PCDHA6: variants seen among roughly 807,000 people sequenced by gnomAD.
PCDHA6 encodes protocadherin alpha 6.
In PCDHA6, 55 loss-of-function variants were observed where a neutral mutation model predicts 60.3. The observed-to-expected ratio is 0.91, with a 90% CI of 0.73 to 1.14. The LOEUF (loss-of-function observed/expected upper bound fraction) is 1.14, where lower values mean the gene tolerates loss of function less well. Ranked by LOEUF, PCDHA6 falls within the 50% of genes most tolerant of loss-of-function variation. The pLI, the probability that PCDHA6 is intolerant of heterozygous loss-of-function variation, is 0.00. For missense variants in PCDHA6, 1,327 were observed against 1,256.5 expected, an observed-to-expected ratio of 1.06 and a Z score of -0.85; for synonymous variants, 652 against 557.9, an observed-to-expected ratio of 1.17 and a Z score of -2.38.
chr5:140,924,926 T>A (rs1554202369), intron 1 of PCDHA6, among the ~76,000 whole-genome samples: 1 of 119,426 alleles, frequency 8.4e-6, no homozygotes, highest in African/African-American at 3.1e-5. Flanking sequence ...TAAAATAAAA[T>A]AAAATAAAAT....
At chr5:140,877,156 G>C (rs1471783281) in intron 1 of PCDHA6, 1 of 1,613,810 alleles carries the variant, frequency 6.2e-7, no homozygotes, top group Non-Finnish European at 8.5e-7. Flanking sequence ...GAACGACAAC[G>C]CGCCGGCACT....
intron 1 of PCDHA6, among the ~76,000 whole-genome samples, chr5:140,939,880 G>T (rs2092484713): frequency 6.6e-6 from 1 of 152,140 alleles, no homozygotes; most frequent in African/African-American, 2.4e-5. Context: ...TTTGCTAGTT[G>T]TGTTGTTCAA....
At position 140,976,656 on chromosome 5, in the gene PCDHA6, C is replaced by T. The variant is rs551402825; in HGVS notation, c.2395-2293C>T. ...AATCAGACAAGTAATTTAATCTCTC[C>T]AAAGTTCAGATGTCTCATTTTTGCA... is the stretch of plus-strand genomic sequence containing the variant. On this transcript the variant is annotated intron_variant, in intron 1 of 3. Transcript: ENST00000529310. Among the ~76,000 whole-genome samples the T allele has an allele frequency of 3.3e-5, 5 of 152,272 alleles. No homozygotes were observed. The South Asian group carries it at 1.0e-3, about 32-fold the overall frequency.
At chr5:140,856,963 T>C (rs1249230816) in intron 1 of PCDHA6, 1 of 1,590,702 alleles carries the variant, frequency 6.3e-7, no homozygotes, top group African/African-American at 1.3e-5. Context: ...AAGTAAATGA[T>C]GCTATTGACT....
chr5:140,928,736 T>C, intron 1 of PCDHA6: 1 of 1,614,174 alleles, frequency 6.2e-7, no homozygotes, highest in Non-Finnish European at 8.5e-7. Flanking sequence ...TCAGCCAATA[T>C]AGGTGAGCTC....
chr5:140,850,318 C>T lies in PCDHA6; in HGVS notation c.2394+19833C>T, dbSNP rs1306863704. On this transcript the variant is annotated intron_variant, in intron 1 of 3. Transcript: ENST00000529310. ...GACTCGGGCTACAACGCGTGGCTTT[C>T]ATACGAGCTGCAGCCAGAAACGGCC... The T allele has an allele frequency of 4.4e-6, 7 of 1,597,384 alleles. 1 individual carries two copies. In the African/African-American group the frequency reaches 5.4e-5, roughly 12 times the overall value.
chr5:140,865,785 T>C (rs2049000599), intron 1 of PCDHA6: 1 of 152,188 alleles, frequency 6.6e-6, no homozygotes, highest in South Asian at 2.1e-4. Flanking sequence ...ATGTGTATCT[T>C]TCAGGCTTCA....
chr5:140,934,709 C>T (rs991669354), intron 1 of PCDHA6, among the ~76,000 whole-genome samples: 2 of 152,084 alleles, frequency 1.3e-5, no homozygotes, highest in Non-Finnish European at 1.5e-5. Flanking sequence ...GGCCATCTTA[C>T]AAAAAGGACC....
At chr5:140,878,556 A>G (rs959852623) in intron 1 of PCDHA6, among the ~76,000 whole-genome samples, 3 of 152,156 alleles carry the variant, frequency 2.0e-5, no homozygotes, top group East Asian at 3.8e-4. Context: ...GATGATCCCA[A>G]ACTTATCATA....
chr5:140,917,449 C>T (rs1290889939), intron 1 of PCDHA6, among the ~76,000 whole-genome samples: 2 of 152,006 alleles, frequency 1.3e-5, no homozygotes, highest in Admixed American at 6.6e-5. Context: ...GCTGCAAGAG[C>T]GTTTGGCATC....
At chr5:140,958,098 G>A (rs1170347696) in intron 1 of PCDHA6, among the ~76,000 whole-genome samples, 4 of 152,088 alleles carry the variant, frequency 2.6e-5, no homozygotes, top group South Asian at 2.1e-4. Context: ...ACAATAGTGT[G>A]TAGAGTGTGG....
intron 3 of PCDHA6, among the ~76,000 whole-genome samples, chr5:141,002,322 G>A (rs1477526091): frequency 6.6e-6 from 1 of 152,190 alleles, no homozygotes; most frequent in South Asian, 2.1e-4. Context: ...CCTGGAGGCC[G>A]GGCTGCATCC....
intron 1 of PCDHA6, chr5:140,850,438 T>A: frequency 6.3e-7 from 1 of 1,597,768 alleles, no homozygotes; most frequent in Non-Finnish European, 8.6e-7. Context: ...CAGCGCCTAC[T>A]GGTGCTGGTG....
At chr5:140,924,762 G>A (rs1554202136) in intron 1 of PCDHA6, among the ~76,000 whole-genome samples, 1 of 151,856 alleles carries the variant, frequency 6.6e-6, no homozygotes, top group Non-Finnish European at 1.5e-5. Context: ...GAGCATGGTG[G>A]TGCGCGCTTG....
intron 1 of PCDHA6, among the ~76,000 whole-genome samples, chr5:140,937,574 G>C (rs1320452651): frequency 1.3e-5 from 2 of 151,732 alleles, no homozygotes; most frequent in African/African-American, 4.9e-5. Context: ...CTGGGATCGC[G>C]TCACTGCACT....
chr5:140,845,193 T>C (rs1160723646), intron 1 of PCDHA6, among the ~76,000 whole-genome samples: 1 of 149,378 alleles, frequency 6.7e-6, no homozygotes, highest in Non-Finnish European at 1.5e-5. Context: ...AAAAATATGA[T>C]TGTTTTCATT....
chr5:140,888,343 G>C (rs1476390329), intron 1 of PCDHA6, among the ~76,000 whole-genome samples: 1 of 152,152 alleles, frequency 6.6e-6, no homozygotes, highest in Admixed American at 6.5e-5. Context: ...ATTACAACTA[G>C]GGAATTGCTA....
chr5:140,834,611 G>C, intron 1 of PCDHA6: 1 of 1,614,162 alleles, frequency 6.2e-7, no homozygotes, highest in Non-Finnish European at 8.5e-7. Flanking sequence ...ATCTTCTGGA[G>C]GTAAATCTGC....
chr5:140,862,916 G>A, intron 1 of PCDHA6: 1 of 547,890 alleles, frequency 1.8e-6, no homozygotes, highest in Non-Finnish European at 3.5e-6. Context: ...CTGGCGCCTT[G>A]GGTGGGCTGG....
Sources: gnomAD v4.1 joint callset for allele counts (sites outside exome capture counted in the v4.1 genomes callset) on GRCh38, gnomAD v4.1.1 for gene constraint, MANE v1.5 for transcripts, NCBI Gene and HGNC (gene_info 2026-07-23, HGNC 2026-07-21) for gene names.